The following ETV6 variants were observed in gnomAD, a reference collection of about 807,000 sequenced individuals.
The protein encoded by ETV6 is ETS variant transcription factor 6, also known as transcription factor ETV6.
A neutral mutation model predicts 51.1 loss-of-function variants in ETV6; 16 were observed. That is an observed-to-expected ratio of 0.31 (90% CI 0.21 to 0.48). ETV6 has a LOEUF of 0.48. Among genes scored for constraint, ETV6 ranks in the 20% least tolerant of loss-of-function variants. The pLI is 0.99. For missense variants in ETV6, 458 were observed against 594.8 expected (o/e 0.77, Z 2.39); for synonymous variants, 240 against 224.1 (o/e 1.07, Z -0.64).
At chr12:11,862,360 G>T (rs946002181) in intron 4 of ETV6, among the ~76,000 whole-genome samples, 1 of 152,164 alleles carries the variant, frequency 6.6e-6, no homozygotes, top group Admixed American at 6.5e-5. Flanking sequence ...AAGGTTGAAC[G>T]TCAGGTAACT....
rs549136118 is a variant in ETV6 at position 11,891,793 on chromosome 12, G to A, written c.*747G>A. 2.0e-5 allele frequency: 7 copies of A among 349,604 alleles called. No homozygotes were observed. The highest frequency in any genetic ancestry group is 3.9e-5 in the Admixed American group (1 of 25,448). 21.7% of individuals were successfully genotyped at this position (349,604 alleles called of 1,614,324 possible). On this transcript the variant is annotated 3_prime_UTR_variant, in exon 8 of 8. Transcript: ENST00000396373. ...GGCACCTAAACAGAATCAGTGACCCGGGTGCTTTGTGGCCAGCAGCACAGA... is the reference window on the plus strand; with the variant it reads ...GGCACCTAAACAGAATCAGTGACCCAGGTGCTTTGTGGCCAGCAGCACAGA...
intron 1 of ETV6, among the ~76,000 whole-genome samples, chr12:11,672,476 C>G (rs1000877401): frequency 2.0e-5 from 3 of 152,184 alleles, no homozygotes; most frequent in African/African-American, 7.2e-5. Context: ...TGCCAGCCCC[C>G]CTCCTAACTT....
chr12:11,689,192 A>G (rs1864697214), intron 1 of ETV6, among the ~76,000 whole-genome samples: 1 of 152,142 alleles, frequency 6.6e-6, no homozygotes. Context: ...AAAGTATGGA[A>G]GTAGATTGAA....
At chr12:11,866,469 T>A (rs1283523289) in intron 4 of ETV6, among the ~76,000 whole-genome samples, 1 of 152,258 alleles carries the variant, frequency 6.6e-6, no homozygotes, top group African/African-American at 2.4e-5. Flanking sequence ...TTGTGTTCTA[T>A]TCCACTGAAG....
intron 2 of ETV6, among the ~76,000 whole-genome samples, chr12:11,788,729 C>T (rs1407907336): frequency 6.7e-6 from 1 of 150,098 alleles, no homozygotes; most frequent in African/African-American, 2.4e-5. Flanking sequence ...TCACCTCCTC[C>T]AATTCTTAAA....
chr12:11,886,568 C>T (rs1565568508), intron 7 of ETV6, among the ~76,000 whole-genome samples: 1 of 151,966 alleles, frequency 6.6e-6, no homozygotes, highest in East Asian at 1.9e-4. Flanking sequence ...AATGTTGTTC[C>T]AGGTGTGTAT....
intron 1 of ETV6, among the ~76,000 whole-genome samples, chr12:11,749,052 G>A (rs923071336): frequency 6.6e-6 from 1 of 152,012 alleles, no homozygotes; most frequent in Non-Finnish European, 1.5e-5. Context: ...CTTCCCTTTT[G>A]TTCAGCTGGT....
intron 1 of ETV6, among the ~76,000 whole-genome samples, chr12:11,739,303 A>C (rs1425048163): frequency 2.0e-5 from 3 of 152,290 alleles, no homozygotes; most frequent in Admixed American, 6.5e-5. Flanking sequence ...TCATCTCTCC[A>C]GAGTTTATGA....
At chr12:11,828,309 T>A (rs1444388711) in intron 2 of ETV6, among the ~76,000 whole-genome samples, 1 of 152,176 alleles carries the variant, frequency 6.6e-6, no homozygotes, top group Admixed American at 6.5e-5. Context: ...ATGTTAGCAA[T>A]GATGTCTATA....
chr12:11,797,779 C>T (rs1945699771), intron 2 of ETV6, among the ~76,000 whole-genome samples: 2 of 152,110 alleles, frequency 1.3e-5, no homozygotes, highest in South Asian at 4.1e-4. Context: ...CTCACTGCAG[C>T]TAAAACCCAA....
At position 11,869,655 on chromosome 12, in the gene ETV6, C is replaced by T. The variant is rs1215833044; in HGVS notation, c.695C>T (p.Ser232Phe). The T allele has an allele frequency of 1.2e-6, 2 of 1,614,186 alleles. No homozygotes were observed. The highest frequency in any genetic ancestry group is 1.7e-6 in the Non-Finnish European group (2 of 1,180,028). The part of the protein sequence containing the change: ...RPHQENNHQE[S>F]YPLSVSPMEN... ...CACCAGGAGAACAACCACCAGGAGT[C>T]CTACCCTCTGTCAGTGTCTCCCATG... The change falls in exon 5 of 8, where the codon TCC becomes TTC. Residue 232 changes from serine (S) to phenylalanine (F), a missense_variant. Coordinates refer to ENST00000396373, the MANE Select transcript of ETV6 (RefSeq NM_001987.5). This position sits in a 1 kb window ranked among gnomAD's most constrained non-coding sequence, Gnocchi z 5.0.
intron 4 of ETV6, among the ~76,000 whole-genome samples, chr12:11,865,415 T>C (rs73066169): frequency 0.04 from 6,121 of 151,932 alleles, 170 homozygotes; most frequent in Non-Finnish European, 0.061. Context: ...TTTTACAGTT[T>C]GGATCAGAAT....
intron 2 of ETV6, among the ~76,000 whole-genome samples, chr12:11,787,295 G>A (rs2136378880): frequency 6.6e-6 from 1 of 152,244 alleles, no homozygotes; most frequent in South Asian, 2.1e-4. Flanking sequence ...CGGCTTTCAA[G>A]CACTTGAATG....
rs1252618617 is a variant in ETV6 at position 11,650,496 on chromosome 12, C to CAA, written c.33+341_33+342dup. 1.6e-4 allele frequency among the ~76,000 whole-genome samples: 18 copies of CAA among 111,452 alleles called. 1 individual carries two copies. The highest frequency in any genetic ancestry group is 5.3e-3 in the Middle Eastern group (1 of 188). The allele number at this position is 111,452 out of a possible 152,430, so 73.1% of individuals were successfully genotyped here. ...TTAGTGCGCTTAAAAAAAAAAAAAA[C>CAA]AAAAAACAAAAAAAAAAAACCTGCT... On this transcript the variant is annotated intron_variant, in intron 1 of 7. Coordinates refer to ENST00000396373, the MANE Select transcript of ETV6 (RefSeq NM_001987.5).
intron 5 of ETV6, among the ~76,000 whole-genome samples, chr12:11,878,359 T>A (rs1947026325): frequency 6.6e-6 from 1 of 152,128 alleles, no homozygotes; most frequent in African/African-American, 2.4e-5. Flanking sequence ...AAATTCCAGT[T>A]TGTGTAAGGG....
At chr12:11,723,743 T>C (rs1018776913) in intron 1 of ETV6, among the ~76,000 whole-genome samples, 5 of 152,180 alleles carry the variant, frequency 3.3e-5, no homozygotes, top group Admixed American at 1.3e-4. Context: ...GCCTCTGCTC[T>C]TTCTTTTCCC....
intron 1 of ETV6, among the ~76,000 whole-genome samples, chr12:11,655,294 T>G (rs74062341): frequency 1.1e-3 from 163 of 152,282 alleles, no homozygotes; most frequent in African/African-American, 3.7e-3. Flanking sequence ...GGTCCACCAC[T>G]TCCATATTTG....
chr12:11,770,555 C>T (rs1472819959), intron 2 of ETV6, among the ~76,000 whole-genome samples: 1 of 152,128 alleles, frequency 6.6e-6, no homozygotes, highest in African/African-American at 2.4e-5. Flanking sequence ...CACTGTCAAC[C>T]GGATGCTAGA....
chr12:11,815,642 T>A (rs1003375135), intron 2 of ETV6, among the ~76,000 whole-genome samples: 4 of 152,356 alleles, frequency 2.6e-5, no homozygotes, highest in Admixed American at 2.6e-4. Context: ...AATGAGATGA[T>A]GTGTTTGAGA....
Sources: allele counts gnomAD v4.1 joint callset (sites outside exome capture counted in the v4.1 genomes callset), GRCh38; gene constraint gnomAD v4.1.1; non-coding constraint Gnocchi (gnomAD v3.1); transcripts MANE v1.5; gene names NCBI Gene and HGNC (gene_info 2026-07-23, HGNC 2026-07-21).